Variants in ASIP observed in about 807,000 individuals in gnomAD.
ASIP encodes agouti signaling protein, also known as agouti-signaling protein.
ASIP carries 11 observed loss-of-function variants against 10.3 expected under a neutral mutation model. The ratio of observed to expected loss-of-function variants is 1.07; its 90% CI spans 0.68 to 1.78. The LOEUF (loss-of-function observed/expected upper bound fraction) is 1.78. Ranked by LOEUF, ASIP falls within the 40% of genes most tolerant of loss-of-function variation. The pLI, the probability that ASIP is intolerant of heterozygous loss-of-function variation, is 0.00. For synonymous variants in ASIP, 70 were observed against 70.8 expected (o/e 0.99, Z 0.06); for missense variants, 180 against 169.2 (o/e 1.06, Z -0.35).
At chr20:34,236,448 G>C (rs1385897864), upstream of ASIP, among the ~76,000 whole-genome samples, 2 of 152,136 alleles carry the variant, frequency 1.3e-5, no homozygotes, top group Non-Finnish European at 2.9e-5. Context: ...GGAGGTTGAG[G>C]CAGAAGAATC....
intron 1 of ASIP, among the ~76,000 whole-genome samples, chr20:34,197,886 G>T (rs1026542585): frequency 6.6e-6 from 1 of 152,002 alleles, no homozygotes; most frequent in African/African-American, 2.4e-5. Flanking sequence ...ACCGCCTCAG[G>T]GGTTCCATCT....
chr20:34,236,500 C>T (rs929121820), upstream of ASIP, among the ~76,000 whole-genome samples: 1 of 151,640 alleles, frequency 6.6e-6, no homozygotes, highest in African/African-American at 2.4e-5. Flanking sequence ...GCTGAGATTG[C>T]ACCACTGCAC....
chr20:34,192,811 A>G (rs879714141), upstream of ASIP, among the ~76,000 whole-genome samples: 17 of 152,232 alleles, frequency 1.1e-4, no homozygotes, highest in Admixed American at 1.1e-3. Context: ...GCTTTAAAAC[A>G]TTTAAAAAAA....
At chr20:34,233,650 A>G (rs1358955434) in intron 1 of ASIP, among the ~76,000 whole-genome samples, 2 of 152,208 alleles carry the variant, frequency 1.3e-5, no homozygotes, top group African/African-American at 2.4e-5. Flanking sequence ...CAGTCTGAAG[A>G]TAATGAATTG....
At chr20:34,211,665 G>T (rs1272722027) in intron 1 of ASIP, among the ~76,000 whole-genome samples, 4 of 152,118 alleles carry the variant, frequency 2.6e-5, no homozygotes, top group Non-Finnish European at 4.4e-5. Flanking sequence ...AAATGTTTTT[G>T]CTGAATGTAG....
upstream of ASIP, among the ~76,000 whole-genome samples, chr20:34,190,695 G>C (rs2034819532): frequency 6.6e-6 from 1 of 152,134 alleles, no homozygotes; most frequent in African/African-American, 2.4e-5. Flanking sequence ...TCTCCAAAGA[G>C]CTCCAGCCGG....
intron 1 of ASIP, among the ~76,000 whole-genome samples, chr20:34,247,300 C>CTTT (rs201908221): frequency 7.5e-5 from 9 of 120,680 alleles, no homozygotes; most frequent in African/African-American, 9.2e-5. Flanking sequence ...TTATATGATG[C>CTTT]TTTTTTTTTT....
intron 1 of ASIP, among the ~76,000 whole-genome samples, chr20:34,233,543 A>G (rs2122583152): frequency 6.6e-6 from 1 of 152,336 alleles, no homozygotes; most frequent in East Asian, 1.9e-4. Flanking sequence ...TGAATAAACT[A>G]AAAACCTTCC....
intron 1 of ASIP, among the ~76,000 whole-genome samples, chr20:34,217,175 C>T (rs1324223619): frequency 2.0e-5 from 3 of 152,070 alleles, no homozygotes; most frequent in Non-Finnish European, 4.4e-5. Context: ...CGGTGGCTCA[C>T]GCCTGTAATC....
intron 1 of ASIP, among the ~76,000 whole-genome samples, chr20:34,231,960 A>G (rs2035124526): frequency 6.6e-6 from 1 of 152,204 alleles, no homozygotes; most frequent in African/African-American, 2.4e-5. Flanking sequence ...ATGAATTCTA[A>G]CAGAAGATAT....
intron 1 of ASIP, among the ~76,000 whole-genome samples, chr20:34,252,801 C>T (rs544190335): frequency 6.6e-6 from 1 of 152,318 alleles, no homozygotes; most frequent in South Asian, 2.1e-4. Context: ...CTTTCTTGGG[C>T]AGAGGTCCCT....
intron 1 of ASIP, among the ~76,000 whole-genome samples, chr20:34,226,591 T>G (rs939270254): frequency 6.6e-6 from 1 of 152,254 alleles, no homozygotes; most frequent in East Asian, 1.9e-4. Flanking sequence ...TGACCTCAAG[T>G]GATCCACCCG....
In ASIP at chr20:34,268,859, G is replaced by A. The variant is rs112797589; in HGVS notation, c.223-132G>A. Reference sequence around the variant, plus strand: ...AGGGAATCTGACTGGGGGAGCGGGCGGTGGGCGGTGGGCAAGCCAGCGGGG... The same window carrying A: ...AGGGAATCTGACTGGGGGAGCGGGCAGTGGGCGGTGGGCAAGCCAGCGGGG... On this transcript the variant is annotated intron_variant, in intron 3 of 3. Coordinates refer to ENST00000374954, the MANE Select transcript of ASIP (RefSeq NM_001672.3). The A allele has an allele frequency of 9.8e-5, 108 of 1,105,212 alleles. No homozygotes were observed. In the African/African-American group the frequency reaches 1.3e-3, roughly 13 times the overall value. 68.5% of individuals were successfully genotyped at this position (1,105,212 alleles called of 1,614,324 possible).
chr20:34,223,580 C>A (rs542923246), intron 1 of ASIP, among the ~76,000 whole-genome samples: 2,400 of 84,012 alleles, frequency 0.029, 1 homozygote, highest in African/African-American at 0.1. Flanking sequence ...CAGCCGTGCC[C>A]TCCGGGAGGG....
In ASIP at chr20:34,214,417, G is replaced by T; in HGVS notation, c.-11+19657G>T. The T allele has an allele frequency of 2.7e-6, 4 of 1,468,254 alleles. No individual in the cohort carries two copies. In the South Asian group the frequency reaches 3.4e-5, roughly 13 times the overall value. 91.0% of individuals were successfully genotyped at this position (1,468,254 alleles called of 1,614,324 possible). A position where few individuals can be genotyped will look rare whatever the true frequency, so the allele number is the denominator to read the frequency against. ...CTGACTCCTGATGTTACCAGAGTTC[G>T]CATCATACCCTGCAAAGCACTAGCT... is the stretch of plus-strand genomic sequence containing the variant. On this transcript the variant is annotated intron_variant, in intron 1 of 3. Coordinates refer to the ASIP transcript ENST00000568305.
At chr20:34,205,384 C>T (rs2034928302) in intron 1 of ASIP, among the ~76,000 whole-genome samples, 1 of 150,952 alleles carries the variant, frequency 6.6e-6, no homozygotes, top group Admixed American at 6.6e-5. Context: ...CTCATAGAGG[C>T]GGCGCATCCG....
chr20:34,206,770 G>A (rs2034939884), intron 1 of ASIP, among the ~76,000 whole-genome samples: 1 of 152,090 alleles, frequency 6.6e-6, no homozygotes, highest in Non-Finnish European at 1.5e-5. Context: ...GTAAAGACAG[G>A]ATTTCACTAC....
chr20:34,221,309 C>T (rs1601577449), intron 1 of ASIP, among the ~76,000 whole-genome samples: 1 of 151,522 alleles, frequency 6.6e-6, no homozygotes, highest in Non-Finnish European at 1.5e-5. Context: ...ACCTGGGAGG[C>T]GGAGCTTAAG....
chr20:34,188,789 A>AGT, the ASIP span, among the ~76,000 whole-genome samples: 1 of 152,220 alleles, frequency 6.6e-6, no homozygotes, highest in African/African-American at 2.4e-5. Context: ...ATTGCTATTC[A>AGT]AATGACTGAA....
Sources: gnomAD v4.1 joint callset for allele counts (sites outside exome capture counted in the v4.1 genomes callset) on GRCh38, gnomAD v4.1.1 for gene constraint, MANE v1.5 for transcripts, NCBI Gene and HGNC (gene_info 2026-07-23, HGNC 2026-07-21) for gene names.